Variants in AP3B1 observed in about 807,000 individuals in gnomAD.
The protein encoded by AP3B1 is AP-3 complex subunit beta-1.
Under a neutral mutation model 132.5 loss-of-function variants are expected in AP3B1, and 61 were observed. The ratio of observed to expected loss-of-function variants is 0.46; its 90% confidence interval spans 0.37 to 0.57. The LOEUF is 0.57. Among genes scored for constraint, AP3B1 ranks in the 20% least tolerant of loss-of-function variants. The pLI, the probability that AP3B1 is intolerant of heterozygous loss-of-function variation, is 0.00. For missense variants in AP3B1, 1,120 were observed against 1,289.4 expected (o/e 0.87, Z 2.01); for synonymous variants, 388 against 438.3 (o/e 0.89, Z 1.43).
At position 78,110,331 on chromosome 5, in the gene AP3B1, T is replaced by A. The variant is rs1751520306; in HGVS notation, c.2273A>T (p.Glu758Val). 6.2e-7 allele frequency: 1 copy of A among 1,609,602 alleles called. No homozygotes were observed. ...GKSDSEDGEK[E>V]NEKSKTSDSS... is the part of the protein sequence containing the mutation. ...ATCTGAAGTTTTAGATTTTTCATTT[T>A]CCTTCTCCCCATCTTCAGAATCACT... is the stretch of plus-strand genomic sequence containing the variant. The change falls in exon 20 of 27, where the codon GAA becomes GTA. Residue 758 changes from glutamate (E) to valine (V), a missense_variant. Physicochemically the swap from Glu to Val is moderately radical, Grantham distance 121. Coordinates refer to ENST00000255194, the MANE Select transcript of AP3B1 (RefSeq NM_003664.5).
intron 3 of AP3B1, among the ~76,000 whole-genome samples, chr5:78,236,871 C>T (rs1746900057): frequency 6.6e-6 from 1 of 152,096 alleles, no homozygotes; most frequent in African/African-American, 2.4e-5. Context: ...AAATTAGAAG[C>T]TCAGATATCA....
chr5:78,236,074 C>T (rs1458493416), intron 3 of AP3B1, among the ~76,000 whole-genome samples: 3 of 151,940 alleles, frequency 2.0e-5, no homozygotes, highest in Admixed American at 1.3e-4. Context: ...ATTTAAAGAA[C>T]GAAAGAAATC....
chr5:78,030,249 C>T (rs1198436928), intron 24 of AP3B1, among the ~76,000 whole-genome samples: 3 of 152,084 alleles, frequency 2.0e-5, no homozygotes, highest in Non-Finnish European at 4.4e-5. Context: ...GCTATCCTCC[C>T]GCCTCAGCCT....
chr5:78,287,284 T>C (rs1446300690), intron 1 of AP3B1, among the ~76,000 whole-genome samples: 3 of 152,168 alleles, frequency 2.0e-5, no homozygotes, highest in South Asian at 2.1e-4. Context: ...AAAAATAACA[T>C]ATCCTACTGT....
intron 13 of AP3B1, among the ~76,000 whole-genome samples, chr5:78,157,850 A>G (rs906928216): frequency 6.6e-6 from 1 of 152,122 alleles, no homozygotes; most frequent in Non-Finnish European, 1.5e-5. Flanking sequence ...CCCAGATTCA[A>G]GCAGTTCTCC....
intron 1 of AP3B1, 119 bp downstream of exon 1, chr5:78,294,333 C>T: frequency 6.8e-7 from 1 of 1,473,262 alleles, no homozygotes; most frequent in South Asian, 1.2e-5. Flanking sequence ...CGTTACCGCC[C>T]TGCCCTGCTC....
chr5:78,096,801 G>C (rs900819814), intron 21 of AP3B1, among the ~76,000 whole-genome samples: 2 of 151,966 alleles, frequency 1.3e-5, no homozygotes, highest in African/African-American at 4.8e-5. Context: ...GAAGTGAGGA[G>C]CGTCTCCGCC....
chr5:78,168,020 A>C (rs866067476), intron 11 of AP3B1, among the ~76,000 whole-genome samples: 2 of 151,426 alleles, frequency 1.3e-5, no homozygotes, highest in Middle Eastern at 6.8e-3. Flanking sequence ...ACTGAAAAAA[A>C]AAAAAAAACA....
chr5:78,129,055 G>C, intron 16 of AP3B1, 66 bp downstream of exon 16: 1 of 1,367,018 alleles, frequency 7.3e-7, no homozygotes. Flanking sequence ...AAGCACATTA[G>C]AAATGGCAAC....
chr5:78,113,343 A>G (rs1751675616), intron 19 of AP3B1, among the ~76,000 whole-genome samples: 1 of 152,234 alleles, frequency 6.6e-6, no homozygotes, highest in Non-Finnish European at 1.5e-5. Flanking sequence ...CCTTGACTCT[A>G]ATATTTGGAT....
intron 24 of AP3B1, among the ~76,000 whole-genome samples, chr5:78,022,839 C>A (rs779517639): frequency 6.6e-6 from 1 of 152,034 alleles, no homozygotes; most frequent in Non-Finnish European, 1.5e-5. Context: ...GTGTTTTTTA[C>A]TTAAATAAAG....
At chr5:78,262,693 TTTTTGAGACAGGG>T (rs1748146390) in intron 2 of AP3B1, among the ~76,000 whole-genome samples, 1 of 151,908 alleles carries the variant, frequency 6.6e-6, no homozygotes, top group Admixed American at 6.6e-5. Context: ...CTTTTTTTTT[TTTTTGAGACAGGG>T]TTTTGAGATG....
chr5:78,058,114 T>C (rs1053938571), intron 22 of AP3B1, among the ~76,000 whole-genome samples: 31 of 152,230 alleles, frequency 2.0e-4, no homozygotes, highest in Admixed American at 1.6e-3. Context: ...TGATGGTAAA[T>C]AAATATTTTA....
At chr5:78,004,385 G>A (rs1422114055) in intron 26 of AP3B1, among the ~76,000 whole-genome samples, 1 of 152,102 alleles carries the variant, frequency 6.6e-6, no homozygotes, top group Non-Finnish European at 1.5e-5. Flanking sequence ...GAGTTTATCA[G>A]GAGACACTCA....
chr5:78,132,339 A>G (rs993466049), intron 15 of AP3B1, among the ~76,000 whole-genome samples: 26 of 152,202 alleles, frequency 1.7e-4, no homozygotes, highest in African/African-American at 6.3e-4. Flanking sequence ...CAGCATTTGC[A>G]ATATTTTTGA....
intron 16 of AP3B1, among the ~76,000 whole-genome samples, chr5:78,128,511 C>T (rs1752559941): frequency 6.6e-6 from 1 of 151,984 alleles, no homozygotes; most frequent in African/African-American, 2.4e-5. Context: ...AGTTTTTCTA[C>T]AAAACTGAAT....
chr5:78,146,702 T>C (rs1057357018), intron 14 of AP3B1, among the ~76,000 whole-genome samples: 1 of 152,188 alleles, frequency 6.6e-6, no homozygotes. Context: ...ATCCCTATAC[T>C]TTAAAAATGG....
intron 21 of AP3B1, among the ~76,000 whole-genome samples, chr5:78,093,279 A>C (rs1375459514): frequency 6.6e-6 from 1 of 151,924 alleles, no homozygotes; most frequent in East Asian, 2.0e-4. Context: ...TACAGCCTTG[A>C]CCTCCTGGGG....
chr5:78,142,069 G>C (rs748307885), intron 14 of AP3B1, among the ~76,000 whole-genome samples: 1 of 152,070 alleles, frequency 6.6e-6, no homozygotes, highest in South Asian at 2.1e-4. Context: ...AGATCATCAA[G>C]GTCTGCTTAT....
Sources: gnomAD v4.1 joint callset for allele counts (sites outside exome capture counted in the v4.1 genomes callset) on GRCh38, gnomAD v4.1.1 for gene constraint, MANE v1.5 for transcripts, NCBI Gene and HGNC (gene_info 2026-07-23, HGNC 2026-07-21) for gene names.